EYS: variants seen among roughly 807,000 people sequenced by gnomAD.
The protein encoded by EYS is protein eyes shut homolog.
A neutral mutation model predicts 282.1 loss-of-function variants in EYS; 250 were observed. The ratio of observed to expected loss-of-function variants is 0.89; its 90% CI spans 0.80 to 0.98. EYS has a LOEUF of 0.98. Ranked by LOEUF, EYS falls within the 50% of genes least tolerant of loss-of-function variation. EYS has a pLI of 0.00. For missense variants in EYS, 4,016 were observed against 3,709.0 expected (o/e 1.08, Z -2.15); for synonymous variants, 1,355 against 1,282.9 (o/e 1.06, Z -1.20).
chr6:64,505,268 G>A (rs1314348589), intron 26 of EYS, among the ~76,000 whole-genome samples: 1 of 152,146 alleles, frequency 6.6e-6, no homozygotes, highest in Admixed American at 6.5e-5. Flanking sequence ...CTCACAGTTG[G>A]CATGCATGCT....
chr6:64,956,455 T>A (rs1385841817), intron 14 of EYS, among the ~76,000 whole-genome samples: 1 of 152,184 alleles, frequency 6.6e-6, no homozygotes, highest in East Asian at 1.9e-4. Context: ...ATGGATTAGA[T>A]AATTAAATCT....
rs1218848552 is a variant in EYS, at chr6:63,957,911, T to G, written c.7055+26472A>C. Among the ~76,000 whole-genome samples, 4 of 140,994 alleles carry G rather than the reference T, an allele frequency of 2.8e-5. 1 individual carries two copies. The highest frequency in any genetic ancestry group is 6.5e-5 in the Non-Finnish European group (4 of 61,938). The allele number at this position is 140,994 out of a possible 152,430, so 92.5% of individuals were successfully genotyped here. On this transcript the variant is annotated intron_variant, in intron 35 of 42. Transcript: ENST00000503581. The stretch of plus-strand genomic sequence containing the variant: ...ACATACATTTTCTGTAAAATCTGAT[T>G]ATGACAGACAAACAATTTAGTGCAA...
chr6:65,464,636 C>A (rs1378267426), intron 5 of EYS, among the ~76,000 whole-genome samples: 1 of 152,138 alleles, frequency 6.6e-6, no homozygotes, highest in Non-Finnish European at 1.5e-5. Flanking sequence ...TCCTCTAAAC[C>A]ATCTCCTCTC....
At chr6:64,799,652 T>A (rs1373251922) in intron 22 of EYS, among the ~76,000 whole-genome samples, 1 of 149,846 alleles carries the variant, frequency 6.7e-6, no homozygotes, top group Non-Finnish European at 1.5e-5. Context: ...ATATGATATA[T>A]ATTATATCTA....
chr6:64,572,866 A>C (rs1343438763), intron 26 of EYS, among the ~76,000 whole-genome samples: 6 of 152,202 alleles, frequency 3.9e-5, no homozygotes, highest in Non-Finnish European at 8.8e-5. Flanking sequence ...TTATAGATTC[A>C]ATGCTGTCCC....
At chr6:65,654,724 A>G (rs1733246963) in intron 1 of EYS, among the ~76,000 whole-genome samples, 1 of 151,718 alleles carries the variant, frequency 6.6e-6, no homozygotes, top group African/African-American at 2.4e-5. Flanking sequence ...GAAACGCTCA[A>G]TAAAAGGGAA....
intron 12 of EYS, among the ~76,000 whole-genome samples, chr6:65,133,241 G>A (rs1173280363): frequency 6.6e-6 from 1 of 151,632 alleles, no homozygotes; most frequent in African/African-American, 2.4e-5. Context: ...ACAAAAAAAA[G>A]TGCCCACATA....
chr6:64,377,820 T>C (rs588507), intron 29 of EYS: 108,385 of 151,316 alleles, frequency 0.72, 38,991 homozygotes, highest in African/African-American at 0.79. Context: ...AAAGTAGATG[T>C]TGGAGCTATG....
chr6:64,283,369 T>G (rs1421410224), intron 30 of EYS, among the ~76,000 whole-genome samples: 1 of 152,192 alleles, frequency 6.6e-6, no homozygotes, highest in Non-Finnish European at 1.5e-5. Context: ...AATTATTAAT[T>G]TATTAGTTTG....
intron 2 of EYS, among the ~76,000 whole-genome samples, chr6:65,554,579 T>C (rs1347576260): frequency 6.6e-6 from 1 of 152,184 alleles, no homozygotes; most frequent in Non-Finnish European, 1.5e-5. Context: ...CTATCTGCCT[T>C]CTACAGTAAT....
At position 64,591,335 on chromosome 6, in the gene EYS, G is replaced by C. The variant is rs2149832027; in HGVS notation, c.4532C>G (p.Ser1511Ter). 1 of 1,551,352 alleles carries C rather than the reference G, an allele frequency of 6.4e-7. No homozygotes were observed. Reference protein sequence around the residue: ...ISKQVTILNSSALHRFSTKAF... With the variant: ...ISKQVTILNS ...TTTTGTACTGAACCGGTGCAGAGCT[G>C]ATGAGTTTAAGATGGTTACCTGTTT... The change falls in exon 26 of 43, where the codon TCA becomes TGA. Residue 1511 changes from serine (S) to a stop codon, truncating the protein, a stop_gained. Transcript: ENST00000503581. LOFTEE classifies it high-confidence loss of function.
chr6:65,561,759 C>T (rs1769068032), intron 2 of EYS, among the ~76,000 whole-genome samples: 1 of 151,780 alleles, frequency 6.6e-6, no homozygotes, highest in African/African-American at 2.4e-5. Context: ...AATGCAAAAG[C>T]AATGAAAACC....
intron 22 of EYS, among the ~76,000 whole-genome samples, chr6:64,802,476 TATAA>T (rs1391237887): frequency 6.6e-6 from 1 of 152,308 alleles, no homozygotes; most frequent in Admixed American, 6.5e-5. Flanking sequence ...GAAGCAGACC[TATAA>T]ATAAATACTG....
At chr6:63,846,075 A>G (rs1424607712) in intron 36 of EYS, among the ~76,000 whole-genome samples, 1 of 152,218 alleles carries the variant, frequency 6.6e-6, no homozygotes, top group East Asian at 1.9e-4. Flanking sequence ...GGGATTTTAC[A>G]ATCCACAAAC....
At chr6:64,697,335 T>C (rs1444514052) in intron 22 of EYS, among the ~76,000 whole-genome samples, 1 of 151,986 alleles carries the variant, frequency 6.6e-6, no homozygotes, top group African/African-American at 2.4e-5. Flanking sequence ...GGGATCAATA[T>C]AACAACCCAA....
At chr6:64,527,393 T>C (rs997668545) in intron 26 of EYS, among the ~76,000 whole-genome samples, 4 of 151,854 alleles carry the variant, frequency 2.6e-5, no homozygotes, top group African/African-American at 4.8e-5. Context: ...AAAGAGAAAA[T>C]GCCTGCATGT....
At chr6:65,134,417 A>G (rs565852648) in intron 12 of EYS, among the ~76,000 whole-genome samples, 2 of 152,030 alleles carry the variant, frequency 1.3e-5, no homozygotes, top group Non-Finnish European at 2.9e-5. Context: ...AGATAGCCTT[A>G]AAAAAATAAT....
At chr6:64,845,412 A>C (rs1269221651) in intron 19 of EYS, among the ~76,000 whole-genome samples, 1 of 152,168 alleles carries the variant, frequency 6.6e-6, no homozygotes, top group Non-Finnish European at 1.5e-5. Flanking sequence ...TGGTCTTAGA[A>C]TCTTTATTCA....
chr6:64,709,360 T>C (rs1771133455), intron 22 of EYS, among the ~76,000 whole-genome samples: 1 of 152,130 alleles, frequency 6.6e-6, no homozygotes, highest in South Asian at 2.1e-4. Flanking sequence ...AAAATAACAT[T>C]TGATGGAGTT....
Sources: allele counts gnomAD v4.1 joint callset (sites outside exome capture counted in the v4.1 genomes callset), GRCh38; gene constraint gnomAD v4.1.1; transcripts MANE v1.5; gene names NCBI Gene and HGNC (gene_info 2026-07-23, HGNC 2026-07-21).